The following P4HA1 variants were observed in gnomAD, a reference collection of about 807,000 sequenced individuals.
The protein encoded by P4HA1 is prolyl 4-hydroxylase subunit alpha 1.
P4HA1 carries 24 observed loss-of-function variants against 72.8 expected under a neutral mutation model. The ratio of observed to expected loss-of-function variants is 0.33; its 90% confidence interval spans 0.24 to 0.46. The LOEUF (loss-of-function observed/expected upper bound fraction) is 0.46, where lower values mean the gene tolerates loss of function less well. Among genes scored for constraint, P4HA1 ranks in the 20% least tolerant of loss-of-function variants. The pLI is 1.00. For missense variants in P4HA1, 446 were observed against 640.6 expected (o/e 0.70, Z 3.28); for synonymous variants, 201 against 218.8 (o/e 0.92, Z 0.72).
chr10:73,091,772 G>A (rs2394928), intron 1 of P4HA1, among the ~76,000 whole-genome samples: 1 of 151,920 alleles, frequency 6.6e-6, no homozygotes, highest in East Asian at 1.9e-4. Flanking sequence ...TAACTGACTC[G>A]GCAGAGATGA....
At position 73,034,272 on chromosome 10, in the gene P4HA1, T is replaced by A. The variant is rs192197564; in HGVS notation, c.1149-3902A>T. 8.9e-4 allele frequency among the ~76,000 whole-genome samples: 136 copies of A among 152,278 alleles called. 1 individual carries two copies. The East Asian group carries it at 0.025, about 29-fold the overall frequency. On this transcript the variant is annotated intron_variant, in intron 9 of 14. Transcript: ENST00000394890. ...AACATAAAATTAGCCATTTAGACTA[T>A]TTTTTAAATTATGGTAAAATATATA...
chr10:73,009,870 T>C lies in P4HA1; in HGVS notation c.1471A>G (p.Ser491Gly), dbSNP rs764936176. 6.2e-7 allele frequency: 1 copy of C among 1,610,570 alleles called. No individual in the cohort carries two copies. The highest frequency in any genetic ancestry group is 8.5e-7 in the Non-Finnish European group (1 of 1,176,806). The change falls in exon 14 of 15, where the codon AGT (serine) becomes GGT (glycine). Residue 491 changes from serine (S) to glycine (G), a missense_variant. Ser to Gly is a moderately conservative substitution (Grantham distance 56). Transcript: ENST00000394890. The stretch of plus-strand genomic sequence containing the variant: ...CGTGTACTATAATCTCCTTCTCCAC[T>C]GGCAAACAGATTATACCAGAAAACA... ...TAVFWYNLFA[S>G]GEGDYSTRHA... is the part of the protein sequence containing the mutation.
intron 10 of P4HA1, among the ~76,000 whole-genome samples, chr10:73,029,604 A>G (rs1290472884): frequency 6.6e-6 from 1 of 151,780 alleles, no homozygotes; most frequent in East Asian, 1.9e-4. Context: ...GGGGAAGACT[A>G]AGCTGTTTCT....
intron 10 of P4HA1, among the ~76,000 whole-genome samples, chr10:73,018,249 G>A (rs1160032528): frequency 3.9e-5 from 6 of 152,048 alleles, no homozygotes; most frequent in Admixed American, 3.3e-4. Flanking sequence ...GAACAGTCAC[G>A]TCCCCTGAGC....
At chr10:73,054,854 T>C (rs1841102409) in intron 5 of P4HA1, among the ~76,000 whole-genome samples, 1 of 152,230 alleles carries the variant, frequency 6.6e-6, no homozygotes, top group Admixed American at 6.5e-5. Flanking sequence ...CTAGTTATGT[T>C]GGGCCTATTA....
chr10:73,095,572 C>T (rs1353214237), intron 1 of P4HA1, among the ~76,000 whole-genome samples: 1 of 151,524 alleles, frequency 6.6e-6, no homozygotes, highest in Non-Finnish European at 1.5e-5. Flanking sequence ...ACGCTGCTGC[C>T]ACGTCTTTGC....
At chr10:73,020,164 CA>C (rs567466362) in intron 10 of P4HA1, among the ~76,000 whole-genome samples, 56 of 151,806 alleles carry the variant, frequency 3.7e-4, no homozygotes, top group Non-Finnish European at 7.4e-4. Context: ...GCTAGATTAA[CA>C]AAGAAAAAAG....
At chr10:73,061,572 T>C (rs986470403) in intron 5 of P4HA1, among the ~76,000 whole-genome samples, 1 of 152,196 alleles carries the variant, frequency 6.6e-6, no homozygotes, top group African/African-American at 2.4e-5. Context: ...GTCGATTTGT[T>C]AAGCAGGGAG....
intron 6 of P4HA1, 83 bp from the exon 7 acceptor site, chr10:73,051,332 A>T (rs946791397): frequency 6.4e-5 from 47 of 737,402 alleles, no homozygotes; most frequent in South Asian, 3.7e-4. Context: ...AAAATAGGAG[A>T]CATTATAATT....
intron 9 of P4HA1, among the ~76,000 whole-genome samples, chr10:73,039,169 AG>A (rs1301126203): frequency 1.3e-5 from 2 of 152,098 alleles, no homozygotes; most frequent in Non-Finnish European, 2.9e-5. Flanking sequence ...CTGTATTCCC[AG>A]CTACTCGGGA....
chr10:73,014,473 A>C (rs568212677), intron 11 of P4HA1, among the ~76,000 whole-genome samples, 184 bp from the exon 12 acceptor site: 1 of 152,266 alleles, frequency 6.6e-6, no homozygotes, highest in South Asian at 2.1e-4. Context: ...GAGTCTTGCT[A>C]TGTGGACCAG....
At chr10:73,079,280 A>AC (rs1168539963) in intron 1 of P4HA1, among the ~76,000 whole-genome samples, 17 of 151,976 alleles carry the variant, frequency 1.1e-4, no homozygotes, top group South Asian at 8.3e-4. Flanking sequence ...ACACAAGGAG[A>AC]CCCCAACTCT....
At chr10:73,046,775 C>T (rs1329008465) in intron 8 of P4HA1, 150 bp downstream of exon 8, 3 of 607,184 alleles carry the variant, frequency 4.9e-6, no homozygotes, top group Middle Eastern at 4.3e-4. Context: ...GGCATAAACA[C>T]AGCATCATTA....
At position 73,052,496 on chromosome 10, in the gene P4HA1, A is replaced by C. The variant is rs111603897; in HGVS notation, c.703+855T>G. On this transcript the variant is annotated intron_variant, in intron 6 of 14. Transcript: ENST00000394890. ...TTCTGTATCTTTCTCTGTTTTAATA[A>C]ATTTTCTATAATGAGTACAAAGTAT... is the stretch of plus-strand genomic sequence containing the variant. 1.5e-4 allele frequency among the ~76,000 whole-genome samples: 23 copies of C among 152,300 alleles called. 1 individual carries two copies. The highest frequency in any genetic ancestry group is 5.3e-4 in the African/African-American group (22 of 41,582).
intron 10 of P4HA1, among the ~76,000 whole-genome samples, chr10:73,030,007 G>A (rs1840397748): frequency 6.6e-6 from 1 of 152,180 alleles, no homozygotes; most frequent in Non-Finnish European, 1.5e-5. Context: ...AAAAATTACA[G>A]TGTACTTAGT....
At chr10:73,009,116 C>A (rs758903700) in intron 14 of P4HA1, among the ~76,000 whole-genome samples, 6 of 152,160 alleles carry the variant, frequency 3.9e-5, no homozygotes, top group Non-Finnish European at 7.3e-5. Flanking sequence ...ACACTATAAT[C>A]ATAAGGGGAG....
rs769977597 is a variant in P4HA1 at position 73,008,171 on chromosome 10, A to G, written c.*51T>C. ...TGAAAGTTAAGACTAGGAAATGTGT[A>G]TATCAGACACATAAGAGTACAACAA... On this transcript the variant is annotated 3_prime_UTR_variant, in exon 15 of 15. Transcript: ENST00000394890. The G allele has an allele frequency of 2.8e-6, 3 of 1,070,114 alleles. No individual in the cohort carries two copies. Among genetic ancestry groups the G allele is most frequent in the African/African-American group, 1.6e-5 (1 of 63,756 alleles). The allele number at this position is 1,070,114 out of a possible 1,614,324, so 66.3% of individuals were successfully genotyped here. A position where few individuals can be genotyped will look rare whatever the true frequency, so the allele number is the denominator to read the frequency against.
At position 73,007,248 on chromosome 10, in the gene P4HA1, G is replaced by A. The variant is rs200482984; in HGVS notation, c.*974C>T. 9 of 152,234 alleles carry A rather than the reference G, an allele frequency of 5.9e-5. No individual in the cohort carries two copies. The highest frequency in any genetic ancestry group is 1.3e-4 in the Non-Finnish European group (9 of 67,998). The allele number at this position is 152,234 out of a possible 1,614,324, so 9.4% of individuals were successfully genotyped here. On this transcript the variant is annotated 3_prime_UTR_variant, in exon 15 of 15. Transcript: ENST00000394890. ...TAAAAAAGATTTAAGATCATAAATA[G>A]GTCATTGTTGTCACAACACATTTCA...
At chr10:73,088,689 C>T (rs1841969596) in intron 1 of P4HA1, among the ~76,000 whole-genome samples, 1 of 152,266 alleles carries the variant, frequency 6.6e-6, no homozygotes, top group Non-Finnish European at 1.5e-5. Flanking sequence ...CAGTGTCCAA[C>T]AGTGGATACT....
Sources: gnomAD v4.1 joint callset for allele counts (sites outside exome capture counted in the v4.1 genomes callset) on GRCh38, gnomAD v4.1.1 for gene constraint, MANE v1.5 for transcripts, NCBI Gene and HGNC (gene_info 2026-07-23, HGNC 2026-07-21) for gene names.